ZIM2: variants seen among roughly 807,000 people sequenced by gnomAD.
ZIM2 encodes zinc finger imprinted 2.
Under a neutral mutation model 38.6 loss-of-function variants are expected in ZIM2, and 14 were observed. The ratio of observed to expected loss-of-function variants is 0.36; its 90% CI spans 0.24 to 0.57. ZIM2 has a LOEUF of 0.57. Ranked by LOEUF, ZIM2 falls within the 20% of genes least tolerant of loss-of-function variation. The probability of loss-of-function intolerance (pLI) is 0.81; values close to 1 mark genes in which losing one functional copy is unlikely to be tolerated. For missense variants in ZIM2, 680 were observed against 695.1 expected (o/e 0.98, Z 0.24); for synonymous variants, 247 against 245.8 (o/e 1.00, Z -0.04).
At chr19:56,813,963 A>T in intron 9 of ZIM2, 1 of 1,613,884 alleles carries the variant, frequency 6.2e-7, no homozygotes, top group Non-Finnish European at 8.5e-7. Context: ...CTTGATCTTC[A>T]CCTTCTTCTG....
intron 9 of ZIM2, among the ~76,000 whole-genome samples, chr19:56,805,809 A>C (rs1259872474): frequency 1.3e-5 from 2 of 152,230 alleles, no homozygotes; most frequent in Non-Finnish European, 2.9e-5. Context: ...ACTGCTAAAC[A>C]CAGGCCTGGT....
chr19:56,801,271 AAG>A (rs1431034244), intron 9 of ZIM2, among the ~76,000 whole-genome samples: 1 of 152,068 alleles, frequency 6.6e-6, no homozygotes, highest in Non-Finnish European at 1.5e-5. Context: ...ATGAGATTGT[AAG>A]AGGTTTTGAT....
intron 9 of ZIM2, chr19:56,811,510 T>G: frequency 1.0e-6 from 1 of 984,154 alleles, no homozygotes; most frequent in Non-Finnish European, 1.2e-6. Flanking sequence ...AATCATTCTC[T>G]TGTTTACCAT....
chr19:56,839,579 T>G (rs865894757), intron 1 of ZIM2, among the ~76,000 whole-genome samples: 1 of 144,930 alleles, frequency 6.9e-6, no homozygotes, highest in Non-Finnish European at 1.5e-5. Context: ...GAGTGGATAG[T>G]TACCCAATCA....
chr19:56,832,622 A>G (rs2061682850), intron 2 of ZIM2, among the ~76,000 whole-genome samples: 1 of 152,222 alleles, frequency 6.6e-6, no homozygotes, highest in South Asian at 2.1e-4. Flanking sequence ...CACAAGGGCT[A>G]GCTGACTCTG....
Position 56,816,986 on chromosome 19 carries a change from A to G in ZIM2, c.490+760T>C, listed in dbSNP as rs570208533. On this transcript the variant is annotated intron_variant, in intron 9 of 12. Transcript: ENST00000629319. ...TCACTGACAGCCACACTGTGGATAA[A>G]GGACTCACCATACTCATAGAGGTTC... 142 of 1,614,044 alleles carry G rather than the reference A, an allele frequency of 8.8e-5. No individual in the cohort carries two copies. The highest frequency in any genetic ancestry group is 8.8e-5 in the Non-Finnish European group (104 of 1,179,998).
chr19:56,809,806 A>C (rs1487931783), intron 9 of ZIM2, among the ~76,000 whole-genome samples: 1 of 152,244 alleles, frequency 6.6e-6, no homozygotes, highest in Non-Finnish European at 1.5e-5. Context: ...TGCCCACTCA[A>C]GTAACTAAGA....
chr19:56,832,011 C>T (rs1181980534), intron 2 of ZIM2, among the ~76,000 whole-genome samples: 1 of 152,072 alleles, frequency 6.6e-6, no homozygotes, highest in African/African-American at 2.4e-5. Context: ...AAACATATGG[C>T]AGTACATACA....
rs191079893 is a variant in ZIM2 at position 56,812,720 on chromosome 19, T to C, written c.490+5026A>G. Reference sequence around the variant, plus strand: ...ATTAGGCACTACTGTGATCTAGTGATGGTTGTAACCCATTCTTTAAAGGCA... The same window carrying C: ...ATTAGGCACTACTGTGATCTAGTGACGGTTGTAACCCATTCTTTAAAGGCA... On this transcript the variant is annotated intron_variant, in intron 9 of 12. Coordinates refer to ENST00000629319, the MANE Select transcript of ZIM2 (RefSeq NM_001387356.1). 6,001 of 980,534 alleles carry C rather than the reference T, an allele frequency of 6.1e-3. 31 individuals carry two copies. The highest frequency in any genetic ancestry group is 6.8e-3 in the Non-Finnish European group (5,645 of 825,264). The allele number at this position is 980,534 out of a possible 1,614,324, so 60.7% of individuals were successfully genotyped here.
At chr19:56,816,945 C>T (rs780917304) in intron 9 of ZIM2, 5 of 1,614,056 alleles carry the variant, frequency 3.1e-6, no homozygotes, top group Non-Finnish European at 4.2e-6. Flanking sequence ...TCCCTCCAAC[C>T]TGACTTTTCT....
chr19:56,796,375 T>G (rs1448988311), intron 9 of ZIM2, among the ~76,000 whole-genome samples: 1 of 152,228 alleles, frequency 6.6e-6, no homozygotes, highest in Non-Finnish European at 1.5e-5. Context: ...TGGAACTTGG[T>G]GGAATTTTCT....
At chr19:56,817,635 G>C in intron 9 of ZIM2, 111 bp downstream of exon 9, 1 of 1,522,598 alleles carries the variant, frequency 6.6e-7, no homozygotes, top group Non-Finnish European at 9.0e-7. Flanking sequence ...AGGACAGTGG[G>C]ACTTGGAGGG....
intron 9 of ZIM2, among the ~76,000 whole-genome samples, chr19:56,804,895 C>A (rs776318051): frequency 2.6e-5 from 4 of 152,164 alleles, no homozygotes; most frequent in African/African-American, 4.8e-5. Flanking sequence ...AGGAAATAAC[C>A]CAAGATTGAC....
At chr19:56,839,951 G>A (rs544904912) in intron 1 of ZIM2, among the ~76,000 whole-genome samples, 11 of 152,336 alleles carry the variant, frequency 7.2e-5, no homozygotes, top group African/African-American at 2.6e-4. Flanking sequence ...TTAAGATACC[G>A]CCCGAGAGGG....
At chr19:56,816,966 G>T in intron 9 of ZIM2, 1 of 1,614,144 alleles carries the variant, frequency 6.2e-7, no homozygotes. Context: ...GAACTTCACT[G>T]ACAGCCACAC....
At chr19:56,839,059 C>G (rs1438453333) in intron 1 of ZIM2, among the ~76,000 whole-genome samples, 1 of 151,478 alleles carries the variant, frequency 6.6e-6, no homozygotes, top group Non-Finnish European at 1.5e-5. Flanking sequence ...GGCGCCCAGG[C>G]GGGCGGGCCT....
chr19:56,795,390 C>T (rs1371797653), intron 9 of ZIM2, among the ~76,000 whole-genome samples: 1 of 152,230 alleles, frequency 6.6e-6, no homozygotes, highest in African/African-American at 2.4e-5. Flanking sequence ...TCCACTGGGG[C>T]CCCAGCCCCG....
At chr19:56,819,400 A>G (rs573299342) in intron 7 of ZIM2, among the ~76,000 whole-genome samples, 1 of 152,312 alleles carries the variant, frequency 6.6e-6, no homozygotes, top group Admixed American at 6.5e-5. Context: ...GGAATTTTAA[A>G]ATTCCTCACA....
chr19:56,815,535 A>G, intron 9 of ZIM2: 1 of 1,614,130 alleles, frequency 6.2e-7, no homozygotes, highest in Non-Finnish European at 8.5e-7. Context: ...CCTGACATTC[A>G]TAGAGCATCC....
Sources: allele counts gnomAD v4.1 joint callset (sites outside exome capture counted in the v4.1 genomes callset), GRCh38; gene constraint gnomAD v4.1.1; transcripts MANE v1.5; gene names NCBI Gene and HGNC (gene_info 2026-07-23, HGNC 2026-07-21).